CCSER1: variants seen among roughly 807,000 people sequenced by gnomAD.
The protein encoded by CCSER1 is coiled-coil serine rich protein 1.
Under a neutral mutation model 82.0 loss-of-function variants are expected in CCSER1, and 41 were observed. That is an observed-to-expected ratio of 0.50 (90% CI 0.39 to 0.65). CCSER1 has a LOEUF of 0.65. Ranked by LOEUF, CCSER1 falls within the 30% of genes least tolerant of loss-of-function variation. CCSER1 has a pLI of 0.00. For synonymous variants in CCSER1, 414 were observed against 383.9 expected (o/e 1.08, Z -0.92); for missense variants, 1,119 against 1,064.2 (o/e 1.05, Z -0.72).
intron 1 of CCSER1, among the ~76,000 whole-genome samples, chr4:90,176,373 G>A (rs1265430735): frequency 2.0e-5 from 3 of 152,000 alleles, no homozygotes; most frequent in Non-Finnish European, 4.4e-5. Context: ...CCGCAGAGAA[G>A]GCCTGGAGAA....
Position 90,984,945 on chromosome 4 carries a change from C to T in CCSER1, c.2172+61498C>T, listed in dbSNP as rs576028099. On this transcript the variant is annotated intron_variant, in intron 9 of 10. Coordinates refer to ENST00000509176, the MANE Select transcript of CCSER1 (RefSeq NM_001145065.2). ...CTGTCTGACTTATTTCCAGACACTG[C>T]CCCCAACTTCCATCTCCCTTGGCTA... 2.0e-5 allele frequency among the ~76,000 whole-genome samples: 3 copies of T among 151,724 alleles called. No individual in the cohort carries two copies. The South Asian group carries it at 6.2e-4, about 32-fold the overall frequency.
intron 10 of CCSER1, among the ~76,000 whole-genome samples, chr4:91,560,729 T>C (rs1163654017): frequency 2.6e-5 from 4 of 151,464 alleles, no homozygotes; most frequent in African/African-American, 4.8e-5. Flanking sequence ...TTCACTCATA[T>C]CTAGCCTACT....
intron 9 of CCSER1, among the ~76,000 whole-genome samples, chr4:91,020,526 G>T (rs1218282339): frequency 2.0e-5 from 3 of 152,056 alleles, no homozygotes; most frequent in Admixed American, 2.0e-4. Context: ...GCCGGGTGTG[G>T]TGGCGGGTGC....
Position 90,363,831 on chromosome 4 carries a change from G to A in CCSER1, c.1510-36205G>A, listed in dbSNP as rs58602998. 7.9e-3 allele frequency among the ~76,000 whole-genome samples: 1,201 copies of A among 152,124 alleles called. 18 individuals are homozygous for A. The highest frequency in any genetic ancestry group is 0.027 in the African/African-American group (1,132 of 41,538). ...TTTCTGTAGTGGTCTGATGTTGCCA[G>A]GTAGAGTGTGGAAAAATTTTCCTAT... On this transcript the variant is annotated intron_variant, in intron 3 of 10. Transcript: ENST00000509176.
chr4:91,380,783 G>C (rs970864242), intron 10 of CCSER1, among the ~76,000 whole-genome samples: 1 of 152,152 alleles, frequency 6.6e-6, no homozygotes, highest in Non-Finnish European at 1.5e-5. Flanking sequence ...ATTTGATCCT[G>C]TCATTATGAT....
In CCSER1 at chr4:90,266,660, T is replaced by C. The variant is rs555520748; in HGVS notation, c.-41-41584T>C. Among the ~76,000 whole-genome samples, 18 of 152,178 alleles carry C rather than the reference T, an allele frequency of 1.2e-4. No homozygotes were observed. The South Asian group carries it at 3.7e-3, about 32-fold the overall frequency. On this transcript the variant is annotated intron_variant, in intron 1 of 10. Transcript: ENST00000509176. ...GCACAGGAGAGAGAATCTGTGCTTC[T>C]GGGGGAGGGAGAGTGAGCAATCAGG...
At chr4:91,403,343 A>T (rs1188405165) in intron 10 of CCSER1, among the ~76,000 whole-genome samples, 10 of 152,206 alleles carry the variant, frequency 6.6e-5, no homozygotes, top group Admixed American at 6.5e-4. Flanking sequence ...ATCTGCAAAC[A>T]GTGACAATTT....
intron 10 of CCSER1, among the ~76,000 whole-genome samples, chr4:91,380,143 T>G (rs570355229): frequency 1.3e-5 from 2 of 152,310 alleles, no homozygotes; most frequent in East Asian, 3.9e-4. Context: ...CTTTTACATT[T>G]GCTGAGGAGT....
intron 10 of CCSER1, among the ~76,000 whole-genome samples, chr4:91,358,822 C>T (rs535768036): frequency 9.5e-4 from 145 of 152,114 alleles, no homozygotes; most frequent in Non-Finnish European, 1.7e-3. Flanking sequence ...TACCCGGGAG[C>T]GCTCTTTGGA....
At chr4:90,835,229 G>A (rs1761648745) in intron 8 of CCSER1, among the ~76,000 whole-genome samples, 2 of 152,134 alleles carry the variant, frequency 1.3e-5, no homozygotes, top group African/African-American at 2.4e-5. Flanking sequence ...TACTCAGGAG[G>A]CTGAGGCAGG....
At chr4:90,998,229 C>T (rs752124139) in intron 9 of CCSER1, among the ~76,000 whole-genome samples, 2 of 152,018 alleles carry the variant, frequency 1.3e-5, no homozygotes, top group Admixed American at 6.6e-5. Flanking sequence ...TACAGGCATG[C>T]GTCACCACGT....
chr4:91,399,108 C>G (rs1336562019), intron 10 of CCSER1, among the ~76,000 whole-genome samples: 1 of 151,864 alleles, frequency 6.6e-6, no homozygotes, highest in African/African-American at 2.4e-5. Flanking sequence ...AAAAGTAATA[C>G]TCATGGAATT....
chr4:90,632,037 T>TGTACTCTATCTTTCAA (rs1724544157), intron 6 of CCSER1, among the ~76,000 whole-genome samples: 2 of 152,182 alleles, frequency 1.3e-5, no homozygotes, highest in South Asian at 2.1e-4. Context: ...GTACTCGACC[T>TGTACTCTATCTTTCAA]GTACTCTATC....
intron 5 of CCSER1, among the ~76,000 whole-genome samples, chr4:90,620,469 T>G (rs1722100792): frequency 6.6e-6 from 1 of 152,304 alleles, no homozygotes; most frequent in Admixed American, 6.5e-5. Flanking sequence ...TACATAGAAT[T>G]GTGCAAGGTT....
At chr4:91,424,190 T>C (rs1360949404) in intron 10 of CCSER1, among the ~76,000 whole-genome samples, 1 of 150,454 alleles carries the variant, frequency 6.6e-6, no homozygotes, top group East Asian at 2.0e-4. Flanking sequence ...CTAATTTTTT[T>C]GTATTTTTAG....
intron 10 of CCSER1, among the ~76,000 whole-genome samples, chr4:91,446,086 T>G (rs188981709): frequency 1.6e-4 from 24 of 152,270 alleles, no homozygotes; most frequent in African/African-American, 4.3e-4. Flanking sequence ...TTTGTTTTGC[T>G]TTTGTAATGT....
rs374403761 is a variant in CCSER1 at position 90,683,992 on chromosome 4, G to C, written c.1933-39922G>C. 5.3e-5 allele frequency among the ~76,000 whole-genome samples: 8 copies of C among 152,038 alleles called. No homozygotes were observed. In the East Asian group the frequency reaches 1.5e-3, roughly 29 times the overall value. ...ATTATACAAAAGATGCCTTCCCATG[G>C]CTTCAAGCCTGTCATGTTTTGTTTT... is the stretch of plus-strand genomic sequence containing the variant. On this transcript the variant is annotated intron_variant, in intron 6 of 10. Transcript: ENST00000509176.
chr4:90,636,988 G>A (rs1198149413), intron 6 of CCSER1, among the ~76,000 whole-genome samples: 1 of 152,134 alleles, frequency 6.6e-6, no homozygotes, highest in Admixed American at 6.5e-5. Context: ...TAGCATTGAA[G>A]AATATAAAGT....
chr4:90,991,651 A>G (rs1197945456), intron 9 of CCSER1, among the ~76,000 whole-genome samples: 2 of 151,764 alleles, frequency 1.3e-5, no homozygotes, highest in African/African-American at 2.4e-5. Flanking sequence ...ATCAAGTATG[A>G]CCTCATTTTA....
Sources: allele counts gnomAD v4.1 joint callset (sites outside exome capture counted in the v4.1 genomes callset), GRCh38; gene constraint gnomAD v4.1.1; transcripts MANE v1.5; gene names NCBI Gene and HGNC (gene_info 2026-07-23, HGNC 2026-07-21).